PDE8A: variants seen among roughly 807,000 people sequenced by gnomAD.
The protein encoded by PDE8A is high affinity cAMP-specific and IBMX-insensitive 3',5'-cyclic phosphodiesterase 8A.
Under a neutral mutation model 105.0 loss-of-function variants are expected in PDE8A, and 59 were observed. That is an observed-to-expected ratio of 0.56 (90% CI 0.46 to 0.70). The LOEUF (loss-of-function observed/expected upper bound fraction) is 0.70, where lower values mean the gene tolerates loss of function less well. Among genes scored for constraint, PDE8A ranks in the 30% least tolerant of loss-of-function variants. The probability of loss-of-function intolerance (pLI) is 0.00; values close to 1 mark genes in which losing one functional copy is unlikely to be tolerated. For missense variants in PDE8A, 1,014 were observed against 1,045.9 expected (o/e 0.97, Z 0.42); for synonymous variants, 355 against 371.9 (o/e 0.95, Z 0.52).
intron 1 of PDE8A, among the ~76,000 whole-genome samples, chr15:85,017,040 T>A (rs1442086295): frequency 6.6e-6 from 1 of 151,004 alleles, no homozygotes; most frequent in Non-Finnish European, 1.5e-5. Flanking sequence ...GGCGGGTGGA[T>A]CATGAGGTCA....
chr15:85,068,665 G>A (rs1280312810), intron 3 of PDE8A, among the ~76,000 whole-genome samples: 2 of 152,152 alleles, frequency 1.3e-5, no homozygotes, highest in African/African-American at 4.8e-5. Context: ...AGGCAGTAGA[G>A]GTGTCTAAGG....
At chr15:85,101,783 T>C (rs1470836715) in intron 11 of PDE8A, among the ~76,000 whole-genome samples, 3 of 152,062 alleles carry the variant, frequency 2.0e-5, no homozygotes, top group Non-Finnish European at 4.4e-5. Context: ...GGTGTGGGAC[T>C]AGAGAGAGAA....
At chr15:85,124,182 C>G (rs551687049) in intron 19 of PDE8A, among the ~76,000 whole-genome samples, 1 of 152,288 alleles carries the variant, frequency 6.6e-6, no homozygotes, top group African/African-American at 2.4e-5. Context: ...AACCCTCTCA[C>G]CAGGCAGGAG....
Position 85,076,912 on chromosome 15 carries a change from G to A in PDE8A, c.546+125G>A. ...AAAAAATTGTCTGGCCAGGCGTGGT[G>A]GCTCATACCTGTAATCCCAGCACTT... is the stretch of plus-strand genomic sequence containing the variant. On this transcript the variant is annotated intron_variant, in intron 5 of 21. Transcript: ENST00000394553. 6.0e-6 allele frequency: 4 copies of A among 665,676 alleles called. No homozygotes were observed. In the South Asian group the frequency reaches 7.0e-5, roughly 12 times the overall value. 41.2% of individuals were successfully genotyped at this position (665,676 alleles called of 1,614,324 possible).
chr15:85,066,930 C>G (rs894242886), intron 2 of PDE8A, 84 bp from the exon 3 acceptor site: 2 of 1,036,774 alleles, frequency 1.9e-6, no homozygotes, highest in Non-Finnish European at 2.9e-6. Context: ...CAGAGCAAGA[C>G]TCTGTCTCAA....
chr15:85,067,154 C>G lies in PDE8A; in HGVS notation c.384C>G (p.Ile128Met). The change falls in exon 3 of 22, where the codon ATC becomes ATG. Residue 128 changes from isoleucine (I) to methionine (M), a missense_variant. By Grantham distance (10) the Ile-to-Met change is conservative. Coordinates refer to ENST00000394553, the MANE Select transcript of PDE8A (RefSeq NM_002605.3). ...ACFLDKHHDIIIIDHRNPRQL... is the reference protein window; with the variant it reads ...ACFLDKHHDIMIIDHRNPRQL... ...TCCTGGACAAACATCATGACATTATCATCATAGACCACAGAAATCCTCGAC... is the reference window on the plus strand; with the variant it reads ...TCCTGGACAAACATCATGACATTATGATCATAGACCACAGAAATCCTCGAC... 2 of 1,613,998 alleles carry G rather than the reference C, an allele frequency of 1.2e-6. No homozygotes were observed. Among genetic ancestry groups the G allele is most frequent in the Non-Finnish European group, 1.7e-6 (2 of 1,179,930 alleles).
At chr15:85,120,422 G>A (rs2082163856) in intron 17 of PDE8A, 1 of 155,490 alleles carries the variant, frequency 6.4e-6, no homozygotes, top group African/African-American at 2.4e-5. Flanking sequence ...AATGTAAGTG[G>A]TGCCTATTTT....
intron 18 of PDE8A, among the ~76,000 whole-genome samples, chr15:85,121,384 CTG>C (rs2082179647): frequency 6.6e-6 from 1 of 152,220 alleles, no homozygotes; most frequent in African/African-American, 2.4e-5. Context: ...GATCACACCA[CTG>C]CACTCCAGCT....
intron 1 of PDE8A, among the ~76,000 whole-genome samples, chr15:85,051,272 C>T (rs1030006656): frequency 3.3e-5 from 5 of 152,092 alleles, no homozygotes; most frequent in African/African-American, 1.2e-4. Context: ...GATAATTTTA[C>T]TTCTTATTTT....
At chr15:85,021,045 G>A (rs2080417785) in intron 1 of PDE8A, among the ~76,000 whole-genome samples, 1 of 152,082 alleles carries the variant, frequency 6.6e-6, no homozygotes, top group East Asian at 1.9e-4. Context: ...TAAGAGGTGG[G>A]GCCTTTGGGA....
chr15:85,070,052 A>G (rs1337019757), intron 3 of PDE8A, among the ~76,000 whole-genome samples: 1 of 152,086 alleles, frequency 6.6e-6, no homozygotes, highest in Admixed American at 6.6e-5. Flanking sequence ...CCACCCCCGA[A>G]CCAGCTTGCC....
chr15:85,076,108 G>T (rs1434369517), intron 4 of PDE8A, among the ~76,000 whole-genome samples, 190 bp downstream of exon 4: 16 of 152,130 alleles, frequency 1.1e-4, no homozygotes, highest in Admixed American at 1.0e-3. Context: ...TCTCATGCTA[G>T]ATTTTTGTGA....
rs1411973365 is a variant in PDE8A at position 85,139,041 on chromosome 15, A to T, written c.*1138A>T. On this transcript the variant is annotated 3_prime_UTR_variant, in exon 22 of 22. Coordinates refer to ENST00000394553, the MANE Select transcript of PDE8A (RefSeq NM_002605.3). ...TTGAATAAGCATAATACCATAAAAA[A>T]TGACACTTGACATGTCAATGTATTT... 2.0e-5 allele frequency: 3 copies of T among 152,216 alleles called. No homozygotes were observed. Among genetic ancestry groups the T allele is most frequent in the Non-Finnish European group, 2.9e-5 (2 of 68,034 alleles). 9.4% of individuals were successfully genotyped at this position (152,216 alleles called of 1,614,324 possible).
At chr15:85,006,699 CT>C (rs555859065) in intron 1 of PDE8A, among the ~76,000 whole-genome samples, 32 of 147,106 alleles carry the variant, frequency 2.2e-4, no homozygotes, top group South Asian at 2.1e-4. Flanking sequence ...TGGTGAATAA[CT>C]TTTTTTTTTT....
chr15:85,136,612 C>G lies in PDE8A; in HGVS notation c.2332C>G (p.Gln778Glu). 1 of 1,613,880 alleles carries G rather than the reference C, an allele frequency of 6.2e-7. No homozygotes were observed. The highest frequency in any genetic ancestry group is 8.5e-7 in the Non-Finnish European group (1 of 1,179,848). The change falls in exon 21 of 22, where the codon CAA becomes GAA. Residue 778 changes from glutamine (Q) to glutamate (E), a missense_variant. Gln to Glu is a conservative substitution (Grantham distance 29). Coordinates refer to ENST00000394553, the MANE Select transcript of PDE8A (RefSeq NM_002605.3). The part of the protein sequence containing the change: ...DRNTCSIPKS[Q>E]ISFIDYFITD... Reference sequence around the variant, plus strand: ...AAATACCTGCAGCATCCCCAAATCCCAAATCTCTTTCATTGATTACTTCAT... The same window carrying G: ...AAATACCTGCAGCATCCCCAAATCCGAAATCTCTTTCATTGATTACTTCAT...
intron 7 of PDE8A, among the ~76,000 whole-genome samples, chr15:85,090,241 G>A (rs2141528287): frequency 6.6e-6 from 1 of 152,276 alleles, no homozygotes; most frequent in Admixed American, 6.5e-5. Flanking sequence ...AGCTGAATCT[G>A]CTTTCTCATC....
chr15:85,048,152 G>A (rs1380769319), intron 1 of PDE8A, among the ~76,000 whole-genome samples: 1 of 152,020 alleles, frequency 6.6e-6, no homozygotes, highest in Non-Finnish European at 1.5e-5. Context: ...TTACTTTTGT[G>A]AGTTAATATT....
chr15:85,001,375 C>G (rs911263203), intron 1 of PDE8A, among the ~76,000 whole-genome samples: 3 of 151,600 alleles, frequency 2.0e-5, no homozygotes, highest in Non-Finnish European at 4.4e-5. Flanking sequence ...ATTACAAAAA[C>G]AAAAACAAAA....
chr15:85,013,920 C>G (rs1327059904), intron 1 of PDE8A, among the ~76,000 whole-genome samples: 1 of 152,134 alleles, frequency 6.6e-6, no homozygotes, highest in Non-Finnish European at 1.5e-5. Context: ...TGTGTGTCAG[C>G]TTCACAGGGC....
Sources: gnomAD v4.1 joint callset for allele counts (sites outside exome capture counted in the v4.1 genomes callset) on GRCh38, gnomAD v4.1.1 for gene constraint, MANE v1.5 for transcripts, NCBI Gene and HGNC (gene_info 2026-07-23, HGNC 2026-07-21) for gene names.